MDC1: variants seen among roughly 807,000 people sequenced by gnomAD.
MDC1 encodes mediator of DNA damage checkpoint 1.
Under a neutral mutation model 142.5 loss-of-function variants are expected in MDC1, and 81 were observed. That is an observed-to-expected ratio of 0.57 (90% CI 0.47 to 0.68). The LOEUF (loss-of-function observed/expected upper bound fraction) is 0.68, where lower values mean the gene tolerates loss of function less well. Ranked by LOEUF, MDC1 falls within the 30% of genes least tolerant of loss-of-function variation. The probability of loss-of-function intolerance (pLI) is 0.00; values close to 1 mark genes in which losing one functional copy is unlikely to be tolerated. For synonymous variants in MDC1, 797 were observed against 968.4 expected, an observed-to-expected ratio of 0.82 and a Z score of 3.29; for missense variants, 2,119 against 2,547.9, an observed-to-expected ratio of 0.83 and a Z score of 3.62.
rs1440995166 is a variant in MDC1 at position 30,713,921 on chromosome 6, C to T, written c.399G>A (p.Leu133=). ...FADLLCQYHR[L]DVSLPFVSRG... Reference sequence around the variant, plus strand: ...GGGAGACAAAGGGCAGAGAGACATCCAGGCGATGGTACTGGCAGAGCAAGT... The same window carrying T: ...GGGAGACAAAGGGCAGAGAGACATCTAGGCGATGGTACTGGCAGAGCAAGT... The change falls in exon 3 of 15, where the codon CTG becomes CTA. Residue 133 remains leucine, a synonymous_variant. Coordinates refer to ENST00000376406, the MANE Select transcript of MDC1 (RefSeq NM_014641.3). This position sits in a 1 kb window ranked among gnomAD's most constrained non-coding sequence, Gnocchi z 4.9. 4 of 1,613,322 alleles carry T rather than the reference C, an allele frequency of 2.5e-6. No individual in the cohort carries two copies. The highest frequency in any genetic ancestry group is 2.2e-5 in the South Asian group (2 of 91,088).
At position 30,704,357 on chromosome 6, in the gene MDC1, G is replaced by A. The variant is rs925969977; in HGVS notation, c.4826C>T (p.Pro1609Leu). 7 of 1,613,188 alleles carry A rather than the reference G, an allele frequency of 4.3e-6. No individual in the cohort carries two copies. The Admixed American group carries it at 6.7e-5, about 15-fold the overall frequency. ...CRTNRSSVKT[P>L]EPVVPTAPEP... is the part of the protein sequence containing the mutation. ...AGGGGCTGTGGGGACAACTGGCTCA[G>A]GGGTCTTGACAGAGGACCTATTTGT... is the stretch of plus-strand genomic sequence containing the variant. Residue 1609 changes from proline to leucine, a missense_variant, in exon 10 of 15, where the codon CCT (proline) becomes CTT (leucine). Coordinates refer to ENST00000376406, the MANE Select transcript of MDC1 (RefSeq NM_014641.3).
At position 30,708,050 on chromosome 6, in the gene MDC1, CTG is replaced by C. The variant is rs1562107829; in HGVS notation, c.2527_2528del (p.Gln843AspfsTer24). 6.2e-7 allele frequency: 1 copy of C among 1,613,104 alleles called. No homozygotes were observed. The highest frequency in any genetic ancestry group is 2.2e-5 in the East Asian group (1 of 44,886). On this transcript the variant is annotated frameshift_variant, in exon 8 of 15. Coordinates refer to ENST00000376406, the MANE Select transcript of MDC1 (RefSeq NM_014641.3). LOFTEE classifies it high-confidence loss of function. ...ATTCTTCCTCTCCTGTCACATCTGT[CTG>C]TCTTTCTGGTAGCAGTTTCTCAGTT... is the stretch of plus-strand genomic sequence containing the variant. ...RETEKLLPERQTDVTGEEELT... is the reference protein window; with the variant it reads ...RETEKLLPERXTDVTGEEELT...
rs564168435 is a variant in MDC1, at chr6:30,711,150, G to A, written c.2221+262C>T. 5.3e-5 allele frequency among the ~76,000 whole-genome samples: 8 copies of A among 152,310 alleles called. No individual in the cohort carries two copies. In the East Asian group the frequency reaches 9.6e-4, roughly 18 times the overall value. Reference sequence around the variant, plus strand: ...AGCATTTTGGGAGGCCGAGGCAGGCGGATCACTTGAGGTCGGGAGTTTGTG... The same window carrying A: ...AGCATTTTGGGAGGCCGAGGCAGGCAGATCACTTGAGGTCGGGAGTTTGTG... On this transcript the variant is annotated intron_variant, in intron 7 of 14. Transcript: ENST00000376406.
chr6:30,707,566 C>T lies in MDC1; in HGVS notation c.3013G>A (p.Gly1005Ser), dbSNP rs745519930. Residue 1005 changes from glycine to serine, a missense_variant and splice_region_variant, in exon 8 of 15, where the codon GGC (glycine) becomes AGC (serine). Transcript: ENST00000376406. ...SPVSPRRHQK[G>S]LLNCKMPPAE... ...TGGGTTCCCCTCTGCCTTCACTTAC[C>T]TTTCTGATGCCTCCTGGGGCTCACT... 6.2e-7 allele frequency: 1 copy of T among 1,612,034 alleles called. No homozygotes were observed. The highest frequency in any genetic ancestry group is 1.3e-5 in the African/African-American group (1 of 74,920).
Position 30,716,578 on chromosome 6 carries a change from T to C in MDC1, c.-4+667A>G, listed in dbSNP as rs960426226. Among the ~76,000 whole-genome samples the C allele has an allele frequency of 6.6e-6, 1 of 152,184 alleles. No individual in the cohort carries two copies. Among genetic ancestry groups the C allele is most frequent in the Non-Finnish European group, 1.5e-5 (1 of 68,034 alleles). Reference sequence around the variant, plus strand: ...CCTGCCTTCTCGTGTTCCTGGTGTATCCTGCCTGTTCCACAGTGGTCAATG... The same window carrying C: ...CCTGCCTTCTCGTGTTCCTGGTGTACCCTGCCTGTTCCACAGTGGTCAATG... On this transcript the variant is annotated intron_variant, in intron 1 of 14. Coordinates refer to ENST00000376406, the MANE Select transcript of MDC1 (RefSeq NM_014641.3). This position sits in a 1 kb window ranked among gnomAD's most constrained non-coding sequence, Gnocchi z 4.4.
At position 30,714,085 on chromosome 6, in the gene MDC1, C is replaced by T; in HGVS notation, c.235G>A (p.Glu79Lys). 1 of 1,612,862 alleles carries T rather than the reference C, an allele frequency of 6.2e-7. No homozygotes were observed. The highest frequency in any genetic ancestry group is 8.5e-7 in the Non-Finnish European group (1 of 1,180,032). ...GGTGCCTTGTCCCAGGCTAAGATTT[C>T]AATCTCTGCATGTTGTTTGGAGATA... ...PSISKQHAEI[E>K]ILAWDKAPIL... The change falls in exon 3 of 15, where the codon GAA becomes AAA. Residue 79 changes from glutamate to lysine, a missense_variant. Coordinates refer to ENST00000376406, the MANE Select transcript of MDC1 (RefSeq NM_014641.3).
chr6:30,712,361 C>T lies in MDC1; in HGVS notation c.1581G>A (p.Lys527=). The change falls in exon 5 of 15, where the codon AAG becomes AAA. Residue 527 remains lysine, a synonymous_variant. Coordinates refer to ENST00000376406, the MANE Select transcript of MDC1 (RefSeq NM_014641.3). This position sits in a 1 kb window ranked among gnomAD's most constrained non-coding sequence, Gnocchi z 4.7. ...TTVDINTQVE[K]EVPPGSAIIH... The stretch of plus-strand genomic sequence containing the variant: ...TAATGGCTGACCCTGGCGGGACTTC[C>T]TTCTCCACTTGTGTGTTGATGTCCA... The T allele has an allele frequency of 1.9e-6, 3 of 1,613,112 alleles. No homozygotes were observed. Among genetic ancestry groups the T allele is most frequent in the Non-Finnish European group, 8.5e-7 (1 of 1,180,034 alleles).
chr6:30,713,409 C>T lies in MDC1; in HGVS notation c.588-55G>A. 1 of 1,485,582 alleles carries T rather than the reference C, an allele frequency of 6.7e-7. No homozygotes were observed. Among genetic ancestry groups the T allele is most frequent in the South Asian group, 1.3e-5 (1 of 74,502 alleles). 92.0% of individuals were successfully genotyped at this position (1,485,582 alleles called of 1,614,324 possible). A position where few individuals can be genotyped will look rare whatever the true frequency, so the allele number is the denominator to read the frequency against. ...AATTTATTTCCCTGGAAGGGATACCCCAACTCAACTGTGAGCTCCTTGAGG... is the reference window on the plus strand; with the variant it reads ...AATTTATTTCCCTGGAAGGGATACCTCAACTCAACTGTGAGCTCCTTGAGG... On this transcript the variant is annotated intron_variant, in intron 4 of 14. Coordinates refer to ENST00000376406, the MANE Select transcript of MDC1 (RefSeq NM_014641.3). The surrounding 1 kb of genome is among the most constrained non-coding windows in gnomAD (Gnocchi z 4.9).
rs755458710 is a variant in MDC1 at position 30,704,894 on chromosome 6, G to C, written c.4289C>G (p.Ser1430Cys). 2.5e-6 allele frequency: 4 copies of C among 1,604,824 alleles called. No individual in the cohort carries two copies. The highest frequency in any genetic ancestry group is 3.4e-6 in the Non-Finnish European group (4 of 1,175,510). ...TDQPVTPEPT[S>C]QATRGRTNRS... is the part of the protein sequence containing the mutation. ...ATTTGTCCTGCCCCTGGTGGCCTGA[G>C]ATGTGGGCTCAGGAGTGACAGGTTG... is the stretch of plus-strand genomic sequence containing the variant. The change falls in exon 10 of 15, where the codon TCT becomes TGT. Residue 1430 changes from serine to cysteine, a missense_variant. Coordinates refer to ENST00000376406, the MANE Select transcript of MDC1 (RefSeq NM_014641.3).
Position 30,713,629 on chromosome 6 carries a change from C to CT in MDC1, c.587+18dup. 6.2e-7 allele frequency: 1 copy of CT among 1,611,186 alleles called. No individual in the cohort carries two copies. The highest frequency in any genetic ancestry group is 8.5e-7 in the Non-Finnish European group (1 of 1,177,768). On this transcript the variant is annotated intron_variant, in intron 4 of 14. Transcript: ENST00000376406. The surrounding 1 kb of genome is among the most constrained non-coding windows in gnomAD (Gnocchi z 4.9). ...TTCCTCATTTTGAAGACTCAGGTGT[C>CT]TGACTCTTTGGCACTCACCTCTCTG...
Position 30,708,079 on chromosome 6 carries a change from C to T in MDC1, c.2500G>A (p.Glu834Lys). ...VGPERGPLER[E>K]TEKLLPERQT... ...CTTTCTGGTAGCAGTTTCTCAGTTT[C>T]TCTCTCCAATGGCCCTCTCTCAGGG... The change falls in exon 8 of 15, where the codon GAA becomes AAA. Residue 834 changes from glutamate (E) to lysine (K), a missense_variant. Physicochemically the swap from Glu to Lys is moderately conservative, Grantham distance 56. Coordinates refer to ENST00000376406, the MANE Select transcript of MDC1 (RefSeq NM_014641.3). 1.2e-6 allele frequency: 2 copies of T among 1,613,106 alleles called. No homozygotes were observed. The highest frequency in any genetic ancestry group is 1.7e-6 in the Non-Finnish European group (2 of 1,180,018).
At position 30,703,583 on chromosome 6, in the gene MDC1, C is replaced by T. The variant is rs1278747006; in HGVS notation, c.5562+38G>A. 3 of 1,612,428 alleles carry T rather than the reference C, an allele frequency of 1.9e-6. No homozygotes were observed. In the South Asian group the frequency reaches 3.3e-5, roughly 18 times the overall value. ...GGTGGGAGTTTCAGAGCCCTGAAGT[C>T]ATTTTTCCCAGCTTTGTGGTCCCAA... On this transcript the variant is annotated intron_variant, in intron 10 of 14. Coordinates refer to ENST00000376406, the MANE Select transcript of MDC1 (RefSeq NM_014641.3). This position sits in a 1 kb window ranked among gnomAD's most constrained non-coding sequence, Gnocchi z 4.4.
In MDC1 at chr6:30,712,381, T is replaced by C. The variant is rs771162932; in HGVS notation, c.1561A>G (p.Ile521Val). 6.2e-7 allele frequency: 1 copy of C among 1,613,030 alleles called. No individual in the cohort carries two copies. Among genetic ancestry groups the C allele is most frequent in the African/African-American group, 1.3e-5 (1 of 74,950 alleles). Residue 521 changes from isoleucine to valine, a missense_variant, in exon 5 of 15, where the codon ATC becomes GTC. Physicochemically the swap from Ile to Val is conservative, Grantham distance 29. Transcript: ENST00000376406. This position sits in a 1 kb window ranked among gnomAD's most constrained non-coding sequence, Gnocchi z 4.7. ...ERSQASTTVD[I>V]NTQVEKEVPP... ...ACTTCCTTCTCCACTTGTGTGTTGA[T>C]GTCCACTGTGGTGGAGGCTTGGCTT...
In MDC1 at chr6:30,704,510, C is replaced by T; in HGVS notation, c.4673G>A (p.Gly1558Asp). Reference protein sequence around the residue: ...TPEPTSRATRGRTNRSSVKTP... With the variant: ...TPEPTSRATRDRTNRSSVKTP... ...CTTGACAGAGGACCTATTTGTCCTGCCCCTAGTGGCCCGAGATGTGGGCTC... is the reference window on the plus strand; with the variant it reads ...CTTGACAGAGGACCTATTTGTCCTGTCCCTAGTGGCCCGAGATGTGGGCTC... Residue 1558 changes from glycine (G) to aspartate (D), a missense_variant, in exon 10 of 15, where the codon GGC (glycine) becomes GAC (aspartate). Physicochemically the swap from Gly to Asp is moderately conservative, Grantham distance 94 (BLOSUM62 -1). Coordinates refer to ENST00000376406, the MANE Select transcript of MDC1 (RefSeq NM_014641.3). 1.2e-6 allele frequency: 2 copies of T among 1,612,808 alleles called. No individual in the cohort carries two copies. The highest frequency in any genetic ancestry group is 1.7e-6 in the Non-Finnish European group (2 of 1,179,516).
At chr6:30,702,256 C>CAAAAAAA (rs57764077) in intron 14 of MDC1, among the ~76,000 whole-genome samples, 15 of 59,116 alleles carry the variant, frequency 2.5e-4, no homozygotes, top group African/African-American at 5.0e-4. Context: ...GACTCCATCT[C>CAAAAAAA]AAAAAAAAAA....
At chr6:30,701,820 C>T (rs573844233) in intron 14 of MDC1, among the ~76,000 whole-genome samples, 1 of 150,788 alleles carries the variant, frequency 6.6e-6, no homozygotes, top group African/African-American at 2.4e-5. Flanking sequence ...ATAAAATGTA[C>T]GTATTTCTTA....
chr6:30,708,698 A>G (rs1774326266), intron 7 of MDC1, among the ~76,000 whole-genome samples: 1 of 151,912 alleles, frequency 6.6e-6, no homozygotes, highest in South Asian at 2.1e-4. Flanking sequence ...TACAAAAAAT[A>G]CAAAAAAATT....
chr6:30,702,945 TAG>T (rs1396062063), intron 12 of MDC1, 68 bp from the exon 13 acceptor site: 33 of 1,605,822 alleles, frequency 2.1e-5, no homozygotes, highest in Non-Finnish European at 2.7e-5. Flanking sequence ...GCCTAGCATT[TAG>T]AGAGAGCTCA....
At position 30,711,914 on chromosome 6, in the gene MDC1, T is replaced by A. The variant is rs1324277186; in HGVS notation, c.2028A>T (p.Gln676His). The A allele has an allele frequency of 2.0e-6, 3 of 1,537,468 alleles. No individual in the cohort carries two copies. Among genetic ancestry groups the A allele is most frequent in the Non-Finnish European group, 2.6e-6 (3 of 1,144,510 alleles). Residue 676 changes from glutamine to histidine, a missense_variant, in exon 5 of 15, where the codon CAA becomes CAT. Transcript: ENST00000376406. ...AQVPTGREREQHVGGTKDSED... is the reference protein window; with the variant it reads ...AQVPTGREREHHVGGTKDSED... ...CAGAGTCCTTGGTCCCACCCACATG[T>A]TGTTCTCTCTCCCTTCCTGTGGGGA...
Sources: gnomAD v4.1 joint callset for allele counts (sites outside exome capture counted in the v4.1 genomes callset) on GRCh38, gnomAD v4.1.1 for gene constraint, Gnocchi (gnomAD v3.1) non-coding constraint, MANE v1.5 for transcripts, NCBI Gene and HGNC (gene_info 2026-07-23, HGNC 2026-07-21) for gene names.